The following CPEB2 variants were observed in gnomAD, a reference collection of about 807,000 sequenced individuals.
The protein encoded by CPEB2 is cytoplasmic polyadenylation element-binding protein 2.
A neutral mutation model predicts 93.6 loss-of-function variants in CPEB2; 56 were observed. That is an observed-to-expected ratio of 0.60 (90% CI 0.48 to 0.75). The LOEUF (loss-of-function observed/expected upper bound fraction) is 0.75, where lower values mean the gene tolerates loss of function less well. CPEB2 is among the 30% of genes least tolerant of loss of function. CPEB2 has a pLI of 0.00. For missense variants in CPEB2, 1,579 were observed against 1,395.1 expected (o/e 1.13, Z -2.10); for synonymous variants, 764 against 586.3 (o/e 1.30, Z -4.38).
In CPEB2 at chr4:15,002,851, G is replaced by T; in HGVS notation, c.178G>T (p.Glu60Ter). 6.5e-7 allele frequency: 1 copy of T among 1,534,828 alleles called. No homozygotes were observed. Residue 60 changes from glutamate to a stop codon, truncating the protein, a stop_gained, in exon 1 of 12, where the codon GAG becomes TAG. Transcript: ENST00000538197. LOFTEE classifies it high-confidence loss of function. ...ACCGTTGCCTGTCACCGGCTTCTTAGAGGCCGCCTCCCCCTTCTCCGTCCC... is the reference window on the plus strand; with the variant it reads ...ACCGTTGCCTGTCACCGGCTTCTTATAGGCCGCCTCCCCCTTCTCCGTCCC... ...PPPLPVTGFL[E>*]AASPFSVPLG...
intron 11 of CPEB2, among the ~76,000 whole-genome samples, chr4:15,064,079 T>G (rs1729463987): frequency 6.6e-6 from 1 of 152,120 alleles, no homozygotes. Flanking sequence ...GGATACTTAT[T>G]TGGCGGGAAT....
rs1311805707 is a variant in CPEB2 at position 15,002,566 on chromosome 4, C to G, written c.-108C>G. The G allele has an allele frequency of 1.1e-6, 1 of 902,044 alleles. No homozygotes were observed. The highest frequency in any genetic ancestry group is 1.6e-6 in the Non-Finnish European group (1 of 627,998). The allele number at this position is 902,044 out of a possible 1,614,324, so 55.9% of individuals were successfully genotyped here. A position where few individuals can be genotyped will look rare whatever the true frequency, so the allele number is the denominator to read the frequency against. On this transcript the variant is annotated 5_prime_UTR_variant, in exon 1 of 12. Transcript: ENST00000538197. ...TGGCTCAGTCACGGTGTCCCTCTCT[C>G]ACTGACTCCCCCTCCTTCCACCACG...
chr4:15,005,741 C>G (rs1358141392), intron 1 of CPEB2, among the ~76,000 whole-genome samples: 1 of 152,152 alleles, frequency 6.6e-6, no homozygotes, highest in Non-Finnish European at 1.5e-5. Context: ...TGACAGTGAA[C>G]AGTTTTTGTT....
chr4:15,007,621 G>GTTAA, intron 2 of CPEB2, 35 bp downstream of exon 2: 1 of 1,361,150 alleles, frequency 7.3e-7, no homozygotes, highest in South Asian at 1.9e-5. Context: ...TATCTCTAAT[G>GTTAA]TTAATCTTTC....
At chr4:15,024,967 G>C (rs879572447) in intron 4 of CPEB2, among the ~76,000 whole-genome samples, 1 of 151,690 alleles carries the variant, frequency 6.6e-6, no homozygotes, top group African/African-American at 2.4e-5. Flanking sequence ...AGCTGGTCTC[G>C]AACTCCTGAC....
chr4:15,068,745 T>C lies in CPEB2; in HGVS notation c.*2365T>C, dbSNP rs1729882342. ...AGATGTTGAAAATCATTTTCCCTTC[T>C]TAAACAGAAATAAATATTTGGAATG... is the stretch of plus-strand genomic sequence containing the variant. On this transcript the variant is annotated 3_prime_UTR_variant, in exon 12 of 12. Transcript: ENST00000538197. 6.6e-6 allele frequency: 1 copy of C among 152,220 alleles called. No homozygotes were observed. Among genetic ancestry groups the C allele is most frequent in the African/African-American group, 2.4e-5 (1 of 41,402 alleles). 9.4% of individuals were successfully genotyped at this position (152,220 alleles called of 1,614,324 possible).
intron 11 of CPEB2, chr4:15,063,960 T>G (rs1729451301): frequency 6.6e-6 from 1 of 152,238 alleles, no homozygotes; most frequent in Middle Eastern, 3.4e-3. Context: ...TACAAAGAAA[T>G]ATTAAACCAT....
chr4:15,003,108 C>G lies in CPEB2; in HGVS notation c.435C>G (p.His145Gln), dbSNP rs1213994638. 2 of 1,533,870 alleles carry G rather than the reference C, an allele frequency of 1.3e-6. No individual in the cohort carries two copies. Among genetic ancestry groups the G allele is most frequent in the Admixed American group, 3.9e-5 (2 of 50,698 alleles). ...LPSQDFKPSL[H>Q]HPSSSSASSC... The stretch of plus-strand genomic sequence containing the variant: ...CCCAGGACTTCAAACCGAGTCTGCA[C>G]CACCCCTCCTCCTCCTCCGCCTCCT... Residue 145 changes from histidine to glutamine, a missense_variant, in exon 1 of 12, where the codon CAC (histidine) becomes CAG (glutamine). By Grantham distance (24) the His-to-Gln change is conservative (BLOSUM62 0). Transcript: ENST00000538197.
intron 11 of CPEB2, among the ~76,000 whole-genome samples, chr4:15,065,198 C>T (rs184254468): frequency 5.9e-5 from 9 of 152,112 alleles, no homozygotes; most frequent in African/African-American, 2.2e-4. Flanking sequence ...TCATTTTCTG[C>T]ACTCATGCAA....
chr4:15,060,339 T>C (rs1172281348), intron 10 of CPEB2, among the ~76,000 whole-genome samples: 1 of 152,182 alleles, frequency 6.6e-6, no homozygotes, highest in Non-Finnish European at 1.5e-5. Flanking sequence ...GACTTCATTA[T>C]CTTTGCAGTT....
intron 11 of CPEB2, among the ~76,000 whole-genome samples, chr4:15,062,885 T>C (rs952842237): frequency 5.3e-5 from 8 of 152,056 alleles, no homozygotes; most frequent in African/African-American, 9.7e-5. Flanking sequence ...GAATGATAAC[T>C]GAAACCCCTA....
In CPEB2 at chr4:15,003,522, C is replaced by G. The variant is rs1485447806; in HGVS notation, c.849C>G (p.Arg283=). Residue 283 remains arginine (R), a synonymous_variant, in exon 1 of 12, where the codon CGC becomes CGG. Coordinates refer to ENST00000538197, the MANE Select transcript of CPEB2 (RefSeq NM_001177382.2). ...GCCACGGAGGCGCGGGCAGCCCTCG[C>G]AAGACCCCAGCCGCGGGCGAGGGCA... is the stretch of plus-strand genomic sequence containing the variant. ...RRRHGGAGSP[R]KTPAAGEGSA... 2.8e-5 allele frequency: 40 copies of G among 1,442,944 alleles called. No individual in the cohort carries two copies. The Admixed American group carries it at 4.4e-4, about 16-fold the overall frequency. 89.4% of individuals were successfully genotyped at this position (1,442,944 alleles called of 1,614,324 possible). A position where few individuals can be genotyped will look rare whatever the true frequency, so the allele number is the denominator to read the frequency against.
intron 4 of CPEB2, among the ~76,000 whole-genome samples, chr4:15,031,978 C>G (rs1012223697): frequency 3.9e-5 from 6 of 152,194 alleles, no homozygotes; most frequent in Non-Finnish European, 2.9e-5. Flanking sequence ...TGCAGTTCAT[C>G]TGTACTCCTT....
Position 15,054,138 on chromosome 4 carries a change from T to G in CPEB2, c.2382T>G (p.Thr794=), listed in dbSNP as rs1298425491. 2 of 1,608,190 alleles carry G rather than the reference T, an allele frequency of 1.2e-6. No homozygotes were observed. Among genetic ancestry groups the G allele is most frequent in the African/African-American group, 1.3e-5 (1 of 74,678 alleles). The part of the protein sequence containing the change: ...LPPDIDEDEI[T]ASFRRFGPLV... ...TTGTACTTTCTTAAGATGAAATAAC[T>G]GCTAGCTTCAGAAGATTTGGGCCTT... Residue 794 remains threonine (T), a synonymous_variant, in exon 8 of 12, where the codon ACT becomes ACG. Coordinates refer to ENST00000538197, the MANE Select transcript of CPEB2 (RefSeq NM_001177382.2).
At chr4:15,063,647 A>C (rs1457195819) in intron 11 of CPEB2, 1 of 152,124 alleles carries the variant, frequency 6.6e-6, no homozygotes, top group Non-Finnish European at 1.5e-5. Context: ...TTATTTACAT[A>C]GTATGTAATC....
Position 15,002,726 on chromosome 4 carries a change from G to A in CPEB2, c.53G>A (p.Ser18Asn). Reference sequence around the variant, plus strand: ...CAGACCGCCCCGCTCCGAAGTAGCAGTCCTGGGCCCCTGTTCTGCGGCGAG... The same window carrying A: ...CAGACCGCCCCGCTCCGAAGTAGCAATCCTGGGCCCCTGTTCTGCGGCGAG... Reference protein sequence around the residue: ...VLQTAPLRSSSPGPLFCGEAY... With the variant: ...VLQTAPLRSSNPGPLFCGEAY... The change falls in exon 1 of 12, where the codon AGT (serine) becomes AAT (asparagine). Residue 18 changes from serine (S) to asparagine (N), a missense_variant. Physicochemically the swap from Ser to Asn is conservative, Grantham distance 46 (BLOSUM62 1). Transcript: ENST00000538197. The A allele has an allele frequency of 6.5e-7, 1 of 1,534,244 alleles. No individual in the cohort carries two copies. Among genetic ancestry groups the A allele is most frequent in the East Asian group, 2.5e-5 (1 of 40,678 alleles).
intron 4 of CPEB2, among the ~76,000 whole-genome samples, chr4:15,029,360 T>A (rs1725839182): frequency 6.6e-6 from 1 of 152,094 alleles, no homozygotes; most frequent in Non-Finnish European, 1.5e-5. Flanking sequence ...CTATTTAAAA[T>A]CGTAATAGAC....
chr4:15,054,595 C>G (rs1299774354), intron 8 of CPEB2, among the ~76,000 whole-genome samples: 2 of 151,656 alleles, frequency 1.3e-5, no homozygotes, highest in East Asian at 3.9e-4. Context: ...GACAAAGTAG[C>G]TAGTTGGGTC....
chr4:15,031,193 A>G (rs190334511), intron 4 of CPEB2, among the ~76,000 whole-genome samples: 1 of 152,120 alleles, frequency 6.6e-6, no homozygotes, highest in African/African-American at 2.4e-5. Flanking sequence ...CATGCTCTGC[A>G]TCCTACACAC....
Sources: allele counts gnomAD v4.1 joint callset (sites outside exome capture counted in the v4.1 genomes callset), GRCh38; gene constraint gnomAD v4.1.1; transcripts MANE v1.5; gene names NCBI Gene and HGNC (gene_info 2026-07-23, HGNC 2026-07-21).